SPATA31H1: variants seen among roughly 807,000 people sequenced by gnomAD.
SPATA31H1 encodes spermatogenesis-associated protein 31H1.
chr2:27,569,023 T>C, the SPATA31H1 span: 8 of 398,934 alleles, frequency 2.0e-5, no homozygotes, highest in Middle Eastern at 1.3e-3. Flanking sequence ...GAAAAATCTA[T>C]TGGGTTGACA....
chr2:27,539,355 A>G, the SPATA31H1 span, among the ~76,000 whole-genome samples: 2 of 142,006 alleles, frequency 1.4e-5, no homozygotes, highest in Non-Finnish European at 3.0e-5. Flanking sequence ...CTGTTTAACA[A>G]AGCACATCTT....
At chr2:27,559,114 G>C in the SPATA31H1 span, among the ~76,000 whole-genome samples, 1 of 152,084 alleles carries the variant, frequency 6.6e-6, no homozygotes, top group African/African-American at 2.4e-5. Context: ...TAATACCAGA[G>C]ATTTTATATA....
chr2:27,543,099 A>G, the SPATA31H1 span, among the ~76,000 whole-genome samples: 1 of 152,034 alleles, frequency 6.6e-6, no homozygotes, highest in South Asian at 2.1e-4. Flanking sequence ...TGCTGTCTGA[A>G]AACAAACAAA....
chr2:27,549,918 A>G, the SPATA31H1 span, among the ~76,000 whole-genome samples: 1 of 151,976 alleles, frequency 6.6e-6, no homozygotes, highest in Non-Finnish European at 1.5e-5. Context: ...TGGCCTCCCA[A>G]GGTGCTGGGA....
the SPATA31H1 span, among the ~76,000 whole-genome samples, chr2:27,548,312 A>C: frequency 3.3e-5 from 5 of 151,966 alleles, no homozygotes; most frequent in African/African-American, 1.2e-4. Context: ...TTCAGCATTC[A>C]AACTCCAATT....
chr2:27,539,801 C>T, the SPATA31H1 span, among the ~76,000 whole-genome samples: 1 of 66,636 alleles, frequency 1.5e-5, no homozygotes, highest in Non-Finnish European at 2.8e-5. Flanking sequence ...GTCCTCACTT[C>T]CCAGTAGGGG....
chr2:27,573,980 G>A, the SPATA31H1 span: 2 of 398,446 alleles, frequency 5.0e-6, no homozygotes, highest in East Asian at 7.1e-5. Flanking sequence ...CTTCTAAGTT[G>A]AACCCTAAGA....
the SPATA31H1 span, among the ~76,000 whole-genome samples, chr2:27,549,825 T>A: frequency 8.6e-5 from 13 of 151,806 alleles, no homozygotes; most frequent in Admixed American, 6.6e-4. Flanking sequence ...TAAAAATAAA[T>A]AAAATTTCTT....
chr2:27,539,532 G>A, the SPATA31H1 span, among the ~76,000 whole-genome samples: 1 of 120,206 alleles, frequency 8.3e-6, no homozygotes, highest in South Asian at 2.9e-4. Context: ...ACACAGACCC[G>A]GCAACCATCC....
chr2:27,577,098 G>C, the SPATA31H1 span: 3 of 1,614,172 alleles, frequency 1.9e-6, no homozygotes, highest in Admixed American at 5.0e-5. This position sits in a 1 kb window ranked among gnomAD's most constrained non-coding sequence, Gnocchi z 4.5. Flanking sequence ...AGATACTGTA[G>C]AGAAATCTGT....
At chr2:27,553,776 G>T in the SPATA31H1 span, among the ~76,000 whole-genome samples, 1 of 151,840 alleles carries the variant, frequency 6.6e-6, no homozygotes, top group Non-Finnish European at 1.5e-5. Flanking sequence ...ACAAAAATTA[G>T]CCGGGTGTGG....
the SPATA31H1 span, among the ~76,000 whole-genome samples, chr2:27,537,881 T>G: frequency 2.6e-5 from 4 of 152,204 alleles, no homozygotes; most frequent in South Asian, 8.3e-4. Flanking sequence ...TAGACAGTAT[T>G]TTGAACTAGG....
the SPATA31H1 span, chr2:27,572,740 C>T: frequency 1.0e-5 from 4 of 397,282 alleles, no homozygotes; most frequent in African/African-American, 8.3e-5. Context: ...GGTTCACAAT[C>T]TCAAGGTGTC....
At chr2:27,579,151 A>G in the SPATA31H1 span, 1 of 1,614,236 alleles carries the variant, frequency 6.2e-7, no homozygotes, top group Non-Finnish European at 8.5e-7. Flanking sequence ...TCAGGGGTTC[A>G]GAAAGGTCTC....
chr2:27,578,746 G>C, the SPATA31H1 span: 5 of 1,614,050 alleles, frequency 3.1e-6, no homozygotes, highest in Non-Finnish European at 3.4e-6. Flanking sequence ...TTACAAGTAG[G>C]GACTGACTTC....
the SPATA31H1 span, chr2:27,581,978 T>G: frequency 1.2e-6 from 2 of 1,613,038 alleles, no homozygotes; most frequent in African/African-American, 1.3e-5. Context: ...ACAGTCCCTC[T>G]GAGAGAAGAC....
chr2:27,554,584 T>C, the SPATA31H1 span, among the ~76,000 whole-genome samples: 1 of 151,764 alleles, frequency 6.6e-6, no homozygotes, highest in African/African-American at 2.4e-5. Flanking sequence ...TTGTTTTGTT[T>C]TGTTTTTGAG....
the SPATA31H1 span, among the ~76,000 whole-genome samples, chr2:27,563,851 G>A: frequency 1.3e-5 from 2 of 151,870 alleles, no homozygotes; most frequent in Non-Finnish European, 2.9e-5. Flanking sequence ...ATGAGCCACC[G>A]TGCCTGGCTG....
At chr2:27,582,429 A>T in the SPATA31H1 span, 1 of 1,614,168 alleles carries the variant, frequency 6.2e-7, no homozygotes, top group Admixed American at 1.7e-5. Context: ...GCCCAGCCAT[A>T]GTTTGTCTAG....
Sources: gnomAD v4.1 joint callset for allele counts (sites outside exome capture counted in the v4.1 genomes callset) on GRCh38, gnomAD v4.1.1 for gene constraint, Gnocchi (gnomAD v3.1) non-coding constraint, MANE v1.5 for transcripts, NCBI Gene and HGNC (gene_info 2026-07-23, HGNC 2026-07-21) for gene names.